Variants in CHAF1A observed in about 807,000 individuals in gnomAD.
CHAF1A encodes chromatin assembly factor 1 subunit A, also known as CAF-1 subunit A.
A neutral mutation model predicts 93.2 loss-of-function variants in CHAF1A; 5 were observed. That is an observed-to-expected ratio of 0.05 (90% CI 0.03 to 0.11). CHAF1A has a LOEUF of 0.11. Among genes scored for constraint, CHAF1A ranks in the 10% least tolerant of loss-of-function variants. The pLI is 1.00. For missense variants in CHAF1A, 1,102 were observed against 1,259.9 expected (o/e 0.87, Z 1.90); for synonymous variants, 504 against 510.3 (o/e 0.99, Z 0.17).
Position 4,443,150 on chromosome 19 carries a change from G to A in CHAF1A, c.*125G>A, listed in dbSNP as rs1974428727. The A allele has an allele frequency of 1.4e-6, 1 of 725,506 alleles. No homozygotes were observed. Among genetic ancestry groups the A allele is most frequent in the Non-Finnish European group, 2.5e-6 (1 of 397,268 alleles). The allele number at this position is 725,506 out of a possible 1,614,324, so 44.9% of individuals were successfully genotyped here. Reference sequence around the variant, plus strand: ...CACGGACCTCCCCAAAGTGTGCAGAGTTCTATATAGGATGCTGGATTAGTT... The same window carrying A: ...CACGGACCTCCCCAAAGTGTGCAGAATTCTATATAGGATGCTGGATTAGTT... On this transcript the variant is annotated 3_prime_UTR_variant, in exon 15 of 15. Coordinates refer to ENST00000301280, the MANE Select transcript of CHAF1A (RefSeq NM_005483.3).
At position 4,432,011 on chromosome 19, in the gene CHAF1A, C is replaced by T. The variant is rs767080171; in HGVS notation, c.2007C>T (p.Asp669=). ...VRQKLKAKEW[D]EFLAKGKRFR... ...AGAAACTGAAGGCCAAGGAGTGGGA[C>T]GAGTTCCTGGCTAAGGGGAAGCGCT... Residue 669 remains aspartate, a synonymous_variant, in exon 12 of 15, where the codon GAC becomes GAT. Coordinates refer to ENST00000301280, the MANE Select transcript of CHAF1A (RefSeq NM_005483.3). 1.4e-5 allele frequency: 23 copies of T among 1,613,934 alleles called. No individual in the cohort carries two copies. Among genetic ancestry groups the T allele is most frequent in the African/African-American group, 4.0e-5 (3 of 74,902 alleles).
At chr19:4,430,961 A>C (rs1974171753) in intron 11 of CHAF1A, 2 of 324,156 alleles carry the variant, frequency 6.2e-6, no homozygotes, top group African/African-American at 2.1e-5. Context: ...GCAGCAAGAC[A>C]TGTGCATTGT....
chr19:4,442,862 G>A lies in CHAF1A; in HGVS notation c.2771-63G>A. On this transcript the variant is annotated intron_variant, in intron 14 of 14. Coordinates refer to ENST00000301280, the MANE Select transcript of CHAF1A (RefSeq NM_005483.3). ...AGGCCCCATGAGGCAGCAGGGTGGGGTCTTCCCCCAGGGAGCCCAGAGGGC... is the reference window on the plus strand; with the variant it reads ...AGGCCCCATGAGGCAGCAGGGTGGGATCTTCCCCCAGGGAGCCCAGAGGGC... 2.4e-6 allele frequency: 3 copies of A among 1,275,150 alleles called. No individual in the cohort carries two copies. In the South Asian group the frequency reaches 4.6e-5, roughly 19 times the overall value. The allele number at this position is 1,275,150 out of a possible 1,614,324, so 79.0% of individuals were successfully genotyped here.
At chr19:4,412,551 A>G (rs1221246091) in intron 3 of CHAF1A, among the ~76,000 whole-genome samples, 2 of 152,162 alleles carry the variant, frequency 1.3e-5, no homozygotes, top group East Asian at 3.8e-4. Context: ...TCTCAAGAAA[A>G]AAAAAAAGGA....
chr19:4,442,842 C>A, intron 14 of CHAF1A, 83 bp from the exon 15 acceptor site: 1 of 1,042,932 alleles, frequency 9.6e-7, no homozygotes, highest in Non-Finnish European at 1.4e-6. Context: ...GTTGCAGGCC[C>A]CATGAGGCAG....
chr19:4,406,708 C>T (rs1358067609), intron 2 of CHAF1A, among the ~76,000 whole-genome samples: 3 of 152,108 alleles, frequency 2.0e-5, no homozygotes, highest in Non-Finnish European at 2.9e-5. Flanking sequence ...GCTGGGATTA[C>T]AGGTGTGAGC....
At chr19:4,417,277 A>C (rs1973911544) in intron 3 of CHAF1A, among the ~76,000 whole-genome samples, 1 of 151,794 alleles carries the variant, frequency 6.6e-6, no homozygotes, top group African/African-American at 2.4e-5. Flanking sequence ...GTCTGTGTCC[A>C]TTTTTAAACA....
In CHAF1A at chr19:4,430,017, C is replaced by T. The variant is rs150540131; in HGVS notation, c.1854+229C>T. 750 of 516,886 alleles carry T rather than the reference C, an allele frequency of 1.5e-3. 1 individual carries two copies. The highest frequency in any genetic ancestry group is 4.2e-3 in the Middle Eastern group (8 of 1,888). 32.0% of individuals were successfully genotyped at this position (516,886 alleles called of 1,614,324 possible). ...CACGTGGCTGCTGGGGATGGGATCC[C>T]GTCCGCATCTGCACCGTGGCCCCAC... is the stretch of plus-strand genomic sequence containing the variant. On this transcript the variant is annotated intron_variant, in intron 10 of 14. Transcript: ENST00000301280.
intron 4 of CHAF1A, among the ~76,000 whole-genome samples, chr19:4,421,567 A>G (rs1367389956): frequency 6.6e-6 from 1 of 152,102 alleles, no homozygotes; most frequent in Non-Finnish European, 1.5e-5. Flanking sequence ...GTTTGAGGCC[A>G]CGTGTTCAAG....
chr19:4,446,376 T>C (rs1974520657), downstream of CHAF1A: 2 of 1,576,634 alleles, frequency 1.3e-6, no homozygotes, highest in Non-Finnish European at 1.7e-6. Context: ...CGCATGGCCT[T>C]GGTCCGCAGC....
intron 12 of CHAF1A, 86 bp downstream of exon 12, chr19:4,432,293 T>C (rs1427833548): frequency 1.4e-6 from 2 of 1,418,622 alleles, no homozygotes; most frequent in East Asian, 2.4e-5. Context: ...GGCTAGTGGG[T>C]CCGTGATGCA....
intron 13 of CHAF1A, among the ~76,000 whole-genome samples, chr19:4,437,244 G>A (rs541902333): frequency 2.6e-5 from 4 of 152,282 alleles, no homozygotes; most frequent in African/African-American, 9.6e-5. Flanking sequence ...GGGGAGCAGG[G>A]TCTGGTCCTG....
At chr19:4,445,597 C>T (rs138428778), downstream of CHAF1A, 152 of 1,613,496 alleles carry the variant, frequency 9.4e-5, no homozygotes, top group South Asian at 2.9e-4. Flanking sequence ...CCATGTCCCA[C>T]GAGAAGGTCA....
rs371533132 is a variant in CHAF1A at position 4,430,655 on chromosome 19, G to A, written c.1947+14G>A. ...GGTGTGACAGAGGTGAGGGAGTGAA[G>A]GGGGAGGTCACCGGCTCAGCAAAAG... is the stretch of plus-strand genomic sequence containing the variant. On this transcript the variant is annotated intron_variant, in intron 11 of 14. Transcript: ENST00000301280. 1.2e-6 allele frequency: 2 copies of A among 1,613,352 alleles called. No individual in the cohort carries two copies. Among genetic ancestry groups the A allele is most frequent in the Admixed American group, 1.7e-5 (1 of 59,914 alleles).
At chr19:4,411,207 G>A (rs981941391) in intron 3 of CHAF1A, among the ~76,000 whole-genome samples, 1 of 151,996 alleles carries the variant, frequency 6.6e-6, no homozygotes, top group East Asian at 1.9e-4. Flanking sequence ...GTTCGCTTTC[G>A]GGATTTTGAG....
chr19:4,447,684 G>A, downstream of CHAF1A: 1 of 1,559,176 alleles, frequency 6.4e-7, no homozygotes, highest in South Asian at 1.1e-5. Context: ...CGGCCCCTCT[G>A]TGCCTCCTGC....
chr19:4,403,607 C>G (rs1444962315), intron 1 of CHAF1A, among the ~76,000 whole-genome samples: 1 of 152,246 alleles, frequency 6.6e-6, no homozygotes, highest in Non-Finnish European at 1.5e-5. Flanking sequence ...GTCCTGGGCA[C>G]GGCACTGCAG....
chr19:4,447,579 TC>T, downstream of CHAF1A: 1 of 1,613,892 alleles, frequency 6.2e-7, no homozygotes. Flanking sequence ...AGCTTGATCT[TC>T]CGGTACTTCT....
chr19:4,442,009 T>G (rs1315360980), intron 13 of CHAF1A, among the ~76,000 whole-genome samples: 1 of 152,246 alleles, frequency 6.6e-6, no homozygotes, highest in Non-Finnish European at 1.5e-5. Context: ...TGGCTGTTTT[T>G]GGAGATCTGA....
Sources: gnomAD v4.1 joint callset for allele counts (sites outside exome capture counted in the v4.1 genomes callset) on GRCh38, gnomAD v4.1.1 for gene constraint, MANE v1.5 for transcripts, NCBI Gene and HGNC (gene_info 2026-07-23, HGNC 2026-07-21) for gene names.